Variants in SAMD12 observed in about 807,000 individuals in gnomAD.
The protein encoded by SAMD12 is sterile alpha motif domain-containing protein 12.
Under a neutral mutation model 15.0 loss-of-function variants are expected in SAMD12, and 9 were observed. The ratio of observed to expected loss-of-function variants is 0.60; its 90% confidence interval spans 0.36 to 1.05. SAMD12 has a LOEUF of 1.05. SAMD12 is among the 50% of genes least tolerant of loss of function. The pLI is 0.01. For missense variants in SAMD12, 230 were observed against 234.2 expected (o/e 0.98, Z 0.12); for synonymous variants, 86 against 90.1 (o/e 0.96, Z 0.25).
chr8:118,440,715 C>T (rs529770207), intron 2 of SAMD12, among the ~76,000 whole-genome samples: 88 of 150,086 alleles, frequency 5.9e-4, no homozygotes, highest in African/African-American at 2.1e-3. Context: ...CACACACACA[C>T]ATATAAAAAC....
chr8:118,427,683 C>T (rs1251561740), intron 3 of SAMD12, among the ~76,000 whole-genome samples: 1 of 152,140 alleles, frequency 6.6e-6, no homozygotes, highest in Non-Finnish European at 1.5e-5. Flanking sequence ...TTATTCTCGT[C>T]TTGACTGATA....
chr8:118,165,616 A>ATG, the SAMD12 span, among the ~76,000 whole-genome samples: 1 of 4,134 alleles, frequency 2.4e-4, no homozygotes, highest in Non-Finnish European at 1.1e-3. Context: ...ATATATATGT[A>ATG]TATATATATA....
intron 2 of SAMD12, among the ~76,000 whole-genome samples, chr8:118,562,949 A>T (rs550400856): frequency 6.6e-6 from 1 of 152,228 alleles, no homozygotes; most frequent in Admixed American, 6.5e-5. Flanking sequence ...TGATAGAAAC[A>T]TAAGAAAAAG....
chr8:118,484,719 C>T (rs1247852494), intron 2 of SAMD12, among the ~76,000 whole-genome samples: 1 of 152,140 alleles, frequency 6.6e-6, no homozygotes, highest in Non-Finnish European at 1.5e-5. Context: ...TTACCTCTCT[C>T]TCTGTTGCCA....
intron 2 of SAMD12, among the ~76,000 whole-genome samples, chr8:118,475,449 C>T (rs765275020): frequency 1.3e-5 from 2 of 152,138 alleles, no homozygotes; most frequent in Non-Finnish European, 2.9e-5. Flanking sequence ...TCTTTCTTTA[C>T]AAATTACCCA....
At chr8:118,226,013 T>C (rs1812181033) in intron 4 of SAMD12, among the ~76,000 whole-genome samples, 1 of 152,148 alleles carries the variant, frequency 6.6e-6, no homozygotes. Flanking sequence ...GTCACAGAGA[T>C]GCATATGTAC....
intron 4 of SAMD12, among the ~76,000 whole-genome samples, chr8:118,297,402 C>T (rs990088110): frequency 6.6e-6 from 1 of 152,064 alleles, no homozygotes; most frequent in Non-Finnish European, 1.5e-5. Flanking sequence ...AAGAGTTACC[C>T]AAATGTTTAA....
the SAMD12 span, among the ~76,000 whole-genome samples, chr8:118,158,695 C>T: frequency 6.6e-6 from 1 of 152,160 alleles, no homozygotes; most frequent in Non-Finnish European, 1.5e-5. Context: ...GTGCATTTTC[C>T]AGGCCTGCCC....
chr8:118,237,189 C>T (rs1345337378), intron 4 of SAMD12, among the ~76,000 whole-genome samples: 1 of 152,140 alleles, frequency 6.6e-6, no homozygotes, highest in Admixed American at 6.6e-5. Context: ...TTACATTCCA[C>T]CTCCATGTCT....
At chr8:118,372,972 C>T (rs927357930) in intron 4 of SAMD12, among the ~76,000 whole-genome samples, 1 of 152,148 alleles carries the variant, frequency 6.6e-6, no homozygotes, top group South Asian at 2.1e-4. Flanking sequence ...GGATGGAAAA[C>T]ATCATAGGTT....
At chr8:118,376,744 CA>C (rs1474194145), downstream of SAMD12, among the ~76,000 whole-genome samples, 1 of 151,762 alleles carries the variant, frequency 6.6e-6, no homozygotes, top group African/African-American at 2.4e-5. Flanking sequence ...CAAGGATTTC[CA>C]AAAACATTCC....
At chr8:118,257,118 G>T (rs1282221834) in intron 4 of SAMD12, among the ~76,000 whole-genome samples, 1 of 152,018 alleles carries the variant, frequency 6.6e-6, no homozygotes, top group Admixed American at 6.6e-5. Context: ...AACCACTGAT[G>T]GCTGCTCTCT....
chr8:118,492,096 C>T (rs1324275783), intron 2 of SAMD12, among the ~76,000 whole-genome samples: 1 of 147,526 alleles, frequency 6.8e-6, no homozygotes, highest in Non-Finnish European at 1.5e-5. Flanking sequence ...GTTCTGGTTG[C>T]TCCACATCAC....
At chr8:118,401,308 TAAAGC>T (rs1820858728) in intron 3 of SAMD12, among the ~76,000 whole-genome samples, 1 of 152,204 alleles carries the variant, frequency 6.6e-6, no homozygotes, top group Non-Finnish European at 1.5e-5. Context: ...TCTTTGATTG[TAAAGC>T]AATAGTCTTA....
intron 4 of SAMD12, among the ~76,000 whole-genome samples, chr8:118,349,087 C>A (rs983005862): frequency 2.0e-5 from 3 of 152,178 alleles, no homozygotes; most frequent in African/African-American, 7.2e-5. Flanking sequence ...AGGTACCTCA[C>A]AAGAAAATCC....
intron 2 of SAMD12, among the ~76,000 whole-genome samples, chr8:118,456,633 G>A (rs1389308002): frequency 1.3e-5 from 2 of 152,172 alleles, no homozygotes; most frequent in Non-Finnish European, 2.9e-5. Context: ...TCAAGACAAA[G>A]GTGAGCAACT....
chr8:118,427,463 C>T (rs1029046617), intron 3 of SAMD12, among the ~76,000 whole-genome samples: 1 of 152,132 alleles, frequency 6.6e-6, no homozygotes, highest in Non-Finnish European at 1.5e-5. Flanking sequence ...TTCCCTTTTA[C>T]CCCCTACTCC....
the SAMD12 span, among the ~76,000 whole-genome samples, chr8:118,147,732 G>T: frequency 1.3e-5 from 2 of 151,464 alleles, no homozygotes; most frequent in Admixed American, 1.3e-4. Flanking sequence ...GCAAAGAAAG[G>T]TTAAACAAAG....
chr8:118,542,096 G>A (rs1285243517), intron 2 of SAMD12, among the ~76,000 whole-genome samples: 3 of 152,130 alleles, frequency 2.0e-5, no homozygotes, highest in Non-Finnish European at 4.4e-5. Flanking sequence ...CTTTGAAAAG[G>A]GCAGTCTATT....
Sources: gnomAD v4.1 joint callset for allele counts (sites outside exome capture counted in the v4.1 genomes callset) on GRCh38, gnomAD v4.1.1 for gene constraint, MANE v1.5 for transcripts, NCBI Gene and HGNC (gene_info 2026-07-23, HGNC 2026-07-21) for gene names.